Variants in PRKAR1A observed in about 807,000 individuals in gnomAD.
PRKAR1A encodes the protein protein kinase cAMP-dependent type I regulatory subunit alpha, also known as cAMP-dependent protein kinase type I-alpha regulatory subunit.
In PRKAR1A, 3 loss-of-function variants were observed where a neutral mutation model predicts 52.0. The observed-to-expected ratio is 0.06, with a 90% CI of 0.03 to 0.15. The LOEUF (loss-of-function observed/expected upper bound fraction) is 0.15, where lower values mean the gene tolerates loss of function less well. Ranked by LOEUF, PRKAR1A falls within the 10% of genes least tolerant of loss-of-function variation. The pLI is 1.00. For missense variants in PRKAR1A, 240 were observed against 477.4 expected (o/e 0.50, Z 4.63); for synonymous variants, 188 against 168.4 (o/e 1.12, Z -0.90).
At chr17:68,447,864 G>A in the PRKAR1A span, among the ~76,000 whole-genome samples, 1 of 151,684 alleles carries the variant, frequency 6.6e-6, no homozygotes, top group Non-Finnish European at 1.5e-5. Flanking sequence ...GTGGTGGCAG[G>A]TGCTTGTAGT....
the PRKAR1A span, among the ~76,000 whole-genome samples, chr17:68,416,095 CT>C: frequency 6.6e-6 from 1 of 151,920 alleles, no homozygotes; most frequent in African/African-American, 2.4e-5. Context: ...TTTGTTTTTG[CT>C]TTTCAAATTG....
chr17:68,548,551 T>C (rs1213143308), intron 11 of PRKAR1A, among the ~76,000 whole-genome samples: 1 of 151,616 alleles, frequency 6.6e-6, no homozygotes, highest in Non-Finnish European at 1.5e-5. Context: ...GTTTGAAATA[T>C]TGTGAGAATT....
At chr17:68,435,679 T>C in the PRKAR1A span, 1 of 1,614,192 alleles carries the variant, frequency 6.2e-7, no homozygotes, top group South Asian at 1.1e-5. Flanking sequence ...GCAGCTAGTG[T>C]TCCCTCATGG....
the PRKAR1A span, among the ~76,000 whole-genome samples, chr17:68,489,588 T>A: frequency 6.7e-6 from 1 of 149,994 alleles, no homozygotes; most frequent in Non-Finnish European, 1.5e-5. Context: ...TGAGAAAGAG[T>A]CACCCATGCT....
chr17:68,471,607 G>C, the PRKAR1A span, among the ~76,000 whole-genome samples: 1 of 152,120 alleles, frequency 6.6e-6, no homozygotes, highest in Non-Finnish European at 1.5e-5. Context: ...CTCTCTGCCT[G>C]AGTTGGGGCC....
chr17:68,457,570 A>ACCTCGCCCCGT, the PRKAR1A span: 1 of 105,104 alleles, frequency 9.5e-6, no homozygotes, highest in East Asian at 1.2e-4. Flanking sequence ...CCCCGTCCCC[A>ACCTCGCCCCGT]CCCCGCCCCT....
the PRKAR1A span, chr17:68,457,373 G>A: frequency 1.3e-6 from 2 of 1,542,202 alleles, no homozygotes; most frequent in Non-Finnish European, 1.7e-6. Flanking sequence ...AAGCAGCTGA[G>A]CGCCGACTCA....
At chr17:68,438,738 T>A in the PRKAR1A span, among the ~76,000 whole-genome samples, 1 of 152,178 alleles carries the variant, frequency 6.6e-6, no homozygotes, top group Non-Finnish European at 1.5e-5. Context: ...GTAGCTGGGA[T>A]TACAGGCGTG....
chr17:68,510,727 A>G (rs1380125028), upstream of PRKAR1A, among the ~76,000 whole-genome samples: 2 of 152,222 alleles, frequency 1.3e-5, no homozygotes, highest in Non-Finnish European at 2.9e-5. Flanking sequence ...AGAAGGGCCA[A>G]TGGTCAACAT....
chr17:68,463,759 C>T, the PRKAR1A span, among the ~76,000 whole-genome samples: 2 of 152,058 alleles, frequency 1.3e-5, no homozygotes, highest in African/African-American at 4.8e-5. Flanking sequence ...GAGGCAGGGC[C>T]GCTGGAGTGG....
intron 2 of PRKAR1A, among the ~76,000 whole-genome samples, chr17:68,520,413 A>G (rs2085568258): frequency 2.0e-5 from 3 of 152,248 alleles, no homozygotes; most frequent in East Asian, 1.9e-4. Flanking sequence ...CTCAGAGTCA[A>G]GAACATAATT....
At chr17:68,456,995 T>TCTC in the PRKAR1A span, among the ~76,000 whole-genome samples, 1 of 152,296 alleles carries the variant, frequency 6.6e-6, no homozygotes, top group East Asian at 1.9e-4. Context: ...GGCCACTGTC[T>TCTC]CTCTTCCCCA....
chr17:68,430,175 A>T, the PRKAR1A span: 1 of 1,606,268 alleles, frequency 6.2e-7, no homozygotes, highest in Admixed American at 1.7e-5. Flanking sequence ...GGAGTAATGC[A>T]CAGGCAACGA....
chr17:68,470,000 A>C, the PRKAR1A span, among the ~76,000 whole-genome samples: 11 of 152,298 alleles, frequency 7.2e-5, no homozygotes, highest in Non-Finnish European at 1.6e-4. Flanking sequence ...TCAACGTATC[A>C]TATCACAACA....
At chr17:68,505,795 G>T in the PRKAR1A span, among the ~76,000 whole-genome samples, 1 of 152,178 alleles carries the variant, frequency 6.6e-6, no homozygotes, top group Non-Finnish European at 1.5e-5. Flanking sequence ...ACTCCAGCCT[G>T]GGTAACAGAG....
chr17:68,518,911 G>T (rs1308153208), intron 2 of PRKAR1A, among the ~76,000 whole-genome samples: 2 of 152,204 alleles, frequency 1.3e-5, no homozygotes, highest in Non-Finnish European at 2.9e-5. Context: ...AAGTTCCACA[G>T]ATTTCTAGGG....
downstream of PRKAR1A, chr17:68,536,692 G>A (rs1405691802): frequency 2.2e-6 from 1 of 453,802 alleles, no homozygotes; most frequent in Non-Finnish European, 4.4e-6. Flanking sequence ...TTGTGTCCCT[G>A]CTAGGCCTGT....
the PRKAR1A span, among the ~76,000 whole-genome samples, chr17:68,492,206 G>A: frequency 1.1e-3 from 161 of 152,300 alleles, 3 homozygotes; most frequent in Admixed American, 0.01. Context: ...GCTCAAGGCC[G>A]CTTTTCAGGA....
chr17:68,418,025 C>T, the PRKAR1A span, among the ~76,000 whole-genome samples: 28 of 152,130 alleles, frequency 1.8e-4, no homozygotes, highest in Non-Finnish European at 2.8e-4. Context: ...CCACCACACC[C>T]GGCTGAGTTG....
Sources: gnomAD v4.1 joint callset for allele counts (sites outside exome capture counted in the v4.1 genomes callset) on GRCh38, gnomAD v4.1.1 for gene constraint, MANE v1.5 for transcripts, NCBI Gene and HGNC (gene_info 2026-07-23, HGNC 2026-07-21) for gene names.